Variants in TNR observed in about 807,000 individuals in gnomAD.
TNR encodes tenascin-R.
TNR carries 45 observed loss-of-function variants against 150.4 expected under a neutral mutation model. The observed-to-expected ratio is 0.30, with a 90% CI of 0.24 to 0.38. The LOEUF is 0.38. TNR is among the 10% of genes least tolerant of loss of function. TNR has a pLI of 1.00. For synonymous variants in TNR, 687 were observed against 678.4 expected (o/e 1.01, Z -0.20); for missense variants, 1,544 against 1,759.1 (o/e 0.88, Z 2.19).
In TNR at chr1:175,596,300, C is replaced by T. The variant is rs150902404; in HGVS notation, c.-164-67931G>A. 3.2e-3 allele frequency among the ~76,000 whole-genome samples: 491 copies of T among 152,034 alleles called. 4 individuals carry two copies. Among genetic ancestry groups the T allele is most frequent in the Admixed American group, 8.7e-3 (133 of 15,214 alleles). ...AGCTGGAGCTGAGGAGTGGAGGGTC[C>T]TTCTAGAAGGTCCTCCAGTTCCCCC... On this transcript the variant is annotated intron_variant, in intron 1 of 22. Transcript: ENST00000367674.
chr1:175,657,883 A>ATGTGTG (rs1553251717), intron 1 of TNR, among the ~76,000 whole-genome samples: 21 of 101,106 alleles, frequency 2.1e-4, no homozygotes, highest in South Asian at 3.6e-4. Context: ...ATATATATAT[A>ATGTGTG]TGTAACAAAC....
chr1:175,676,531 T>C (rs1280284333), intron 1 of TNR, among the ~76,000 whole-genome samples: 2 of 151,966 alleles, frequency 1.3e-5, no homozygotes, highest in African/African-American at 4.8e-5. Flanking sequence ...AGAACTCTCA[T>C]TGGAACTGAA....
At position 175,319,419 on chromosome 1, in the gene TNR, C is replaced by G. The variant is rs1245992837; in HGVS notation, c.*3938G>C. ...ACTTTTTGTCCCTTAATCTACAGCT[C>G]TGCTCTGAGACTGGATTTGAAAAGT... is the stretch of plus-strand genomic sequence containing the variant. On this transcript the variant is annotated 3_prime_UTR_variant, in exon 23 of 23. Transcript: ENST00000367674. The G allele has an allele frequency of 6.6e-6, 1 of 152,210 alleles. No homozygotes were observed. The highest frequency in any genetic ancestry group is 2.4e-5 in the African/African-American group (1 of 41,448). 9.4% of individuals were successfully genotyped at this position (152,210 alleles called of 1,614,324 possible). A position where few individuals can be genotyped will look rare whatever the true frequency, so the allele number is the denominator to read the frequency against.
chr1:175,378,593 G>A (rs1410439825), intron 9 of TNR, among the ~76,000 whole-genome samples: 1 of 152,238 alleles, frequency 6.6e-6, no homozygotes, highest in Non-Finnish European at 1.5e-5. Flanking sequence ...GGAGTGGAAA[G>A]GGAAGCCTGC....
intron 1 of TNR, among the ~76,000 whole-genome samples, chr1:175,563,826 G>A (rs1374816031): frequency 6.6e-6 from 1 of 152,162 alleles, no homozygotes; most frequent in Admixed American, 6.5e-5. Flanking sequence ...GAACAATTGG[G>A]TCCTTTCTGA....
At chr1:175,552,403 C>G (rs1660979894) in intron 1 of TNR, among the ~76,000 whole-genome samples, 1 of 152,208 alleles carries the variant, frequency 6.6e-6, no homozygotes, top group Non-Finnish European at 1.5e-5. Context: ...AAACTGTAAT[C>G]ATGTCTTCTA....
intron 1 of TNR, among the ~76,000 whole-genome samples, chr1:175,705,401 T>A (rs1337340383): frequency 1.3e-5 from 2 of 152,222 alleles, no homozygotes; most frequent in African/African-American, 4.8e-5. Flanking sequence ...GAAGCCACAT[T>A]GTTTTCTAAG....
chr1:175,327,085 C>T (rs1291027520), intron 21 of TNR, among the ~76,000 whole-genome samples: 1 of 151,968 alleles, frequency 6.6e-6, no homozygotes, highest in East Asian at 1.9e-4. Context: ...CTATCAGTTC[C>T]TTGATTATGC....
intron 2 of TNR, among the ~76,000 whole-genome samples, chr1:175,412,643 A>G (rs143473308): frequency 6.6e-6 from 1 of 151,890 alleles, no homozygotes; most frequent in Non-Finnish European, 1.5e-5. Flanking sequence ...AGATCCCCCA[A>G]TGTGTCCCGC....
In TNR at chr1:175,396,279, C is replaced by T. The variant is rs72723464; in HGVS notation, c.1240+265G>A. ...TAGTCAGAGTCTAGCTTATAACAAGCCAGTACTCCATAATTAAAGTACTTT... is the reference window on the plus strand; with the variant it reads ...TAGTCAGAGTCTAGCTTATAACAAGTCAGTACTCCATAATTAAAGTACTTT... On this transcript the variant is annotated intron_variant, in intron 5 of 22. Transcript: ENST00000367674. Among the ~76,000 whole-genome samples the T allele has an allele frequency of 2.1e-3, 313 of 152,328 alleles. 1 individual carries two copies. The highest frequency in any genetic ancestry group is 3.0e-3 in the Non-Finnish European group (205 of 68,032).
At chr1:175,490,999 G>T (rs1658221616) in intron 2 of TNR, among the ~76,000 whole-genome samples, 1 of 152,182 alleles carries the variant, frequency 6.6e-6, no homozygotes, top group African/African-American at 2.4e-5. Context: ...ACTGGATAAA[G>T]AAAATGTAGT....
intron 1 of TNR, among the ~76,000 whole-genome samples, chr1:175,536,293 T>C (rs900478853): frequency 6.6e-6 from 1 of 152,332 alleles, no homozygotes; most frequent in South Asian, 2.1e-4. Flanking sequence ...ATGATCCATA[T>C]TTTTTATGGA....
chr1:175,473,741 T>C (rs1657400557), intron 2 of TNR, among the ~76,000 whole-genome samples: 1 of 152,214 alleles, frequency 6.6e-6, no homozygotes, highest in South Asian at 2.1e-4. Flanking sequence ...CTTGCTTCCC[T>C]TTTATGTGGG....
intron 2 of TNR, among the ~76,000 whole-genome samples, chr1:175,526,067 G>A (rs1175016869): frequency 6.6e-5 from 10 of 151,648 alleles, no homozygotes; most frequent in Non-Finnish European, 1.2e-4. Context: ...AAAATCTGAC[G>A]GAAGGGTATT....
At chr1:175,425,040 A>G (rs989310831) in intron 2 of TNR, among the ~76,000 whole-genome samples, 1 of 152,130 alleles carries the variant, frequency 6.6e-6, no homozygotes, top group African/African-American at 2.4e-5. Flanking sequence ...TTCTCACCCG[A>G]AACACTATAA....
At chr1:175,630,425 G>A (rs2101872690) in intron 1 of TNR, among the ~76,000 whole-genome samples, 1 of 152,328 alleles carries the variant, frequency 6.6e-6, no homozygotes, top group South Asian at 2.1e-4. Flanking sequence ...ATTTGATAAT[G>A]ATAACAGCAA....
At chr1:175,394,984 C>T (rs6674005) in intron 5 of TNR, among the ~76,000 whole-genome samples, 30,722 of 151,934 alleles carry the variant, frequency 0.2, 3,199 homozygotes, top group Middle Eastern at 0.29. Context: ...GTGGGAAAAG[C>T]GGCAGATGGT....
intron 2 of TNR, among the ~76,000 whole-genome samples, chr1:175,506,765 A>T (rs1658973241): frequency 6.6e-6 from 1 of 152,228 alleles, no homozygotes; most frequent in Non-Finnish European, 1.5e-5. Context: ...AAACAAACAC[A>T]ATCATCACAA....
chr1:175,563,625 T>C (rs1457461151), intron 1 of TNR, among the ~76,000 whole-genome samples: 1 of 152,186 alleles, frequency 6.6e-6, no homozygotes. Flanking sequence ...CAAATCTCTA[T>C]AGAGTGTTGA....
Sources: gnomAD v4.1 joint callset for allele counts (sites outside exome capture counted in the v4.1 genomes callset) on GRCh38, gnomAD v4.1.1 for gene constraint, MANE v1.5 for transcripts, NCBI Gene and HGNC (gene_info 2026-07-23, HGNC 2026-07-21) for gene names.